The following DPP10 variants were observed in gnomAD, a reference collection of about 807,000 sequenced individuals.
DPP10 encodes dipeptidyl peptidase like 10.
In DPP10, 33 loss-of-function variants were observed where a neutral mutation model predicts 120.9. The ratio of observed to expected loss-of-function variants is 0.27; its 90% CI spans 0.21 to 0.37. DPP10 has a LOEUF of 0.37. Among genes scored for constraint, DPP10 ranks in the 10% least tolerant of loss-of-function variants. The pLI, the probability that DPP10 is intolerant of heterozygous loss-of-function variation, is 1.00. For synonymous variants in DPP10, 337 were observed against 326.1 expected (o/e 1.03, Z -0.36); for missense variants, 816 against 942.8 (o/e 0.87, Z 1.76).
At chr2:114,929,015 A>C (rs1695856892) in intron 1 of DPP10, among the ~76,000 whole-genome samples, 1 of 152,194 alleles carries the variant, frequency 6.6e-6, no homozygotes, top group Non-Finnish European at 1.5e-5. Flanking sequence ...AAAGAGAAAG[A>C]GTACAAAAGA....
At chr2:115,132,686 G>T (rs1025339941) in intron 1 of DPP10, among the ~76,000 whole-genome samples, 4 of 151,984 alleles carry the variant, frequency 2.6e-5, no homozygotes, top group African/African-American at 9.7e-5. Context: ...TTCCAGTTAC[G>T]GCTGGAAATT....
At chr2:115,157,150 T>C (rs977469484) in intron 1 of DPP10, among the ~76,000 whole-genome samples, 1 of 149,914 alleles carries the variant, frequency 6.7e-6, no homozygotes, top group Non-Finnish European at 1.5e-5. Context: ...GCATACACGG[T>C]AAAATAATCT....
intron 3 of DPP10, among the ~76,000 whole-genome samples, chr2:115,408,354 C>A (rs2068687705): frequency 6.6e-6 from 1 of 152,118 alleles, no homozygotes; most frequent in South Asian, 2.1e-4. Context: ...GGGAAAAGGG[C>A]AGGCTTCATC....
At chr2:114,483,317 A>C (rs1253028137) in intron 1 of DPP10, among the ~76,000 whole-genome samples, 1 of 152,116 alleles carries the variant, frequency 6.6e-6, no homozygotes, top group Non-Finnish European at 1.5e-5. Context: ...AGAAGAAAAC[A>C]CAGTGTACAT....
Position 115,362,659 on chromosome 2 carries a change from T to C in DPP10, c.271+18747T>C, listed in dbSNP as rs560415180. On this transcript the variant is annotated intron_variant, in intron 3 of 25. Coordinates refer to ENST00000410059, the MANE Select transcript of DPP10 (RefSeq NM_020868.6). ...GATACGAAATTATTAAAAAATAACC[T>C]CTAAGTTCAACTTCAATTCTAATAT... 1.5e-3 allele frequency among the ~76,000 whole-genome samples: 229 copies of C among 152,250 alleles called. 1 individual carries two copies. The highest frequency in any genetic ancestry group is 5.3e-3 in the African/African-American group (219 of 41,540).
chr2:114,922,695 T>G (rs1049785728), intron 1 of DPP10, among the ~76,000 whole-genome samples: 1 of 152,206 alleles, frequency 6.6e-6, no homozygotes, highest in African/African-American at 2.4e-5. Context: ...TTCAATATTT[T>G]TTTTCATGTT....
At chr2:115,352,166 A>G (rs1197979967) in intron 3 of DPP10, among the ~76,000 whole-genome samples, 1 of 152,130 alleles carries the variant, frequency 6.6e-6, no homozygotes, top group Non-Finnish European at 1.5e-5. Flanking sequence ...TTTAAAGAGA[A>G]TTTGAAACAC....
At chr2:115,168,663 ACATTCTTAT>A (rs1161053994) in intron 1 of DPP10, among the ~76,000 whole-genome samples, 3 of 152,180 alleles carry the variant, frequency 2.0e-5, no homozygotes, top group Admixed American at 2.0e-4. Flanking sequence ...TACACGGTAG[ACATTCTTAT>A]CATTGACTAC....
chr2:115,414,911 G>A (rs1280544057), intron 3 of DPP10, among the ~76,000 whole-genome samples: 1 of 152,098 alleles, frequency 6.6e-6, no homozygotes, highest in African/African-American at 2.4e-5. Flanking sequence ...CACTACTGTT[G>A]ACCCCAATAT....
chr2:114,816,965 CT>C (rs1468272790), intron 1 of DPP10, among the ~76,000 whole-genome samples: 1 of 152,138 alleles, frequency 6.6e-6, no homozygotes, highest in Admixed American at 6.5e-5. Flanking sequence ...ATGATATAGA[CT>C]GTTAATATCT....
chr2:115,018,792 C>G (rs1346383394), intron 1 of DPP10, among the ~76,000 whole-genome samples: 1 of 152,118 alleles, frequency 6.6e-6, no homozygotes, highest in Non-Finnish European at 1.5e-5. Flanking sequence ...AGCAAACCAC[C>G]ATGGCAAGTG....
intron 1 of DPP10, among the ~76,000 whole-genome samples, chr2:114,822,681 C>T (rs1225987518): frequency 6.6e-6 from 1 of 151,974 alleles, no homozygotes; most frequent in African/African-American, 2.4e-5. Flanking sequence ...CATATGTATA[C>T]ATGCGCCATG....
At chr2:115,801,780 A>G (rs1685271446) in intron 19 of DPP10, among the ~76,000 whole-genome samples, 1 of 152,196 alleles carries the variant, frequency 6.6e-6, no homozygotes, top group Admixed American at 6.5e-5. Flanking sequence ...CCAGGGATGA[A>G]GCCCACTTGA....
chr2:115,734,396 G>A (rs931209728), intron 8 of DPP10, among the ~76,000 whole-genome samples: 4 of 151,936 alleles, frequency 2.6e-5, no homozygotes, highest in Non-Finnish European at 4.4e-5. Context: ...GGTAGCTGAC[G>A]CCTGTAATTC....
At chr2:114,579,653 A>G (rs559024473) in intron 1 of DPP10, among the ~76,000 whole-genome samples, 2 of 152,334 alleles carry the variant, frequency 1.3e-5, no homozygotes, top group South Asian at 4.1e-4. Context: ...CAAAATCAGT[A>G]TAAGACTTGG....
intron 1 of DPP10, among the ~76,000 whole-genome samples, chr2:114,775,813 G>C (rs1469319923): frequency 6.6e-6 from 1 of 152,090 alleles, no homozygotes; most frequent in Non-Finnish European, 1.5e-5. Context: ...AATATATCTT[G>C]AGTATCTCCA....
intron 1 of DPP10, among the ~76,000 whole-genome samples, chr2:114,718,672 C>T (rs1205295237): frequency 6.6e-6 from 1 of 152,086 alleles, no homozygotes; most frequent in Non-Finnish European, 1.5e-5. Flanking sequence ...TTCTTGGATG[C>T]TATTTAAAAT....
intron 1 of DPP10, among the ~76,000 whole-genome samples, chr2:114,563,367 T>C (rs545083771): frequency 6.8e-6 from 1 of 146,544 alleles, no homozygotes; most frequent in Admixed American, 6.9e-5. Context: ...CAAGACTCCA[T>C]CTCAAAAAAA....
chr2:114,909,162 G>A (rs1162444222), intron 1 of DPP10, among the ~76,000 whole-genome samples: 1 of 151,682 alleles, frequency 6.6e-6, no homozygotes, highest in African/African-American at 2.4e-5. Context: ...TATGAATCTG[G>A]TTTCACCCAC....
Sources: allele counts gnomAD v4.1 joint callset (sites outside exome capture counted in the v4.1 genomes callset), GRCh38; gene constraint gnomAD v4.1.1; transcripts MANE v1.5; gene names NCBI Gene and HGNC (gene_info 2026-07-23, HGNC 2026-07-21).